Variants in CTNNA3 observed in about 807,000 individuals in gnomAD.
CTNNA3 encodes catenin alpha-3.
Under a neutral mutation model 95.7 loss-of-function variants are expected in CTNNA3, and 76 were observed. The observed-to-expected ratio is 0.79, with a 90% confidence interval of 0.66 to 0.96. CTNNA3 has a LOEUF of 0.96. Ranked by LOEUF, CTNNA3 falls within the 40% of genes least tolerant of loss-of-function variation. The pLI, the probability that CTNNA3 is intolerant of heterozygous loss-of-function variation, is 0.00. For missense variants in CTNNA3, 1,191 were observed against 1,089.8 expected (o/e 1.09, Z -1.31); for synonymous variants, 431 against 374.4 (o/e 1.15, Z -1.74).
intron 9 of CTNNA3, among the ~76,000 whole-genome samples, chr10:66,763,995 T>C (rs1839735593): frequency 6.6e-6 from 1 of 152,146 alleles, no homozygotes; most frequent in Non-Finnish European, 1.5e-5. Flanking sequence ...CATAGATTAG[T>C]GAGAGATAAC....
chr10:67,188,247 G>A (rs1862955849), intron 6 of CTNNA3, among the ~76,000 whole-genome samples: 1 of 152,232 alleles, frequency 6.6e-6, no homozygotes, highest in Admixed American at 6.5e-5. Context: ...TGTAATCCCA[G>A]CACTTTGGGA....
intron 7 of CTNNA3, among the ~76,000 whole-genome samples, chr10:66,984,916 A>G (rs534026544): frequency 6.6e-6 from 1 of 152,150 alleles, no homozygotes; most frequent in Admixed American, 6.5e-5. Flanking sequence ...GTTTAAGTAC[A>G]ATAAGAACAT....
chr10:66,354,214 G>A lies in CTNNA3; in HGVS notation c.1732+24938C>T, dbSNP rs181824198. ...CAGGGAGAATCGCTTGAACCCGGGA[G>A]GTGGAGGTTGCAGTGAGCTGAGATG... On this transcript the variant is annotated intron_variant, in intron 12 of 17. Transcript: ENST00000433211. Among the ~76,000 whole-genome samples the A allele has an allele frequency of 5.6e-3, 845 of 151,958 alleles. 7 individuals carry two copies. The highest frequency in any genetic ancestry group is 0.019 in the African/African-American group (790 of 41,474).
At chr10:66,316,133 T>C (rs1330530379) in intron 12 of CTNNA3, among the ~76,000 whole-genome samples, 1 of 152,152 alleles carries the variant, frequency 6.6e-6, no homozygotes, top group Non-Finnish European at 1.5e-5. Context: ...ATGTGAGCTA[T>C]ACTTACCATT....
intron 7 of CTNNA3, among the ~76,000 whole-genome samples, chr10:66,827,509 T>C (rs773230862): frequency 3.9e-5 from 6 of 152,164 alleles, no homozygotes; most frequent in Non-Finnish European, 8.8e-5. Context: ...TGCTATGCAA[T>C]ATAGTGGAAA....
chr10:67,253,564 C>A (rs1378475818), intron 5 of CTNNA3, among the ~76,000 whole-genome samples: 1 of 152,068 alleles, frequency 6.6e-6, no homozygotes, highest in Non-Finnish European at 1.5e-5. Flanking sequence ...CTCTCTCTTT[C>A]CCTCTCCTAC....
intron 1 of CTNNA3, among the ~76,000 whole-genome samples, chr10:67,676,493 T>G (rs1049397186): frequency 2.0e-5 from 3 of 152,208 alleles, no homozygotes; most frequent in Non-Finnish European, 2.9e-5. Context: ...CTAAAACCAC[T>G]TCCCAATTGC....
chr10:66,429,797 T>C (rs1177612664), intron 11 of CTNNA3, among the ~76,000 whole-genome samples: 1 of 152,012 alleles, frequency 6.6e-6, no homozygotes, highest in Non-Finnish European at 1.5e-5. Context: ...ACCAATATCA[T>C]ACTGAATGGG....
intron 3 of CTNNA3, among the ~76,000 whole-genome samples, chr10:67,594,139 C>T (rs935473641): frequency 6.6e-6 from 1 of 152,104 alleles, no homozygotes; most frequent in Admixed American, 6.5e-5. Context: ...TTTTGATGTG[C>T]TGCTGGATTC....
At chr10:67,640,383 T>G (rs1482402539) in intron 2 of CTNNA3, among the ~76,000 whole-genome samples, 1 of 152,200 alleles carries the variant, frequency 6.6e-6, no homozygotes, top group Non-Finnish European at 1.5e-5. Flanking sequence ...GAACATTCCA[T>G]GCTCATGGAT....
chr10:66,382,701 T>C (rs1319117040), intron 11 of CTNNA3, among the ~76,000 whole-genome samples: 1 of 152,062 alleles, frequency 6.6e-6, no homozygotes, highest in Non-Finnish European at 1.5e-5. Flanking sequence ...AGACACCTCA[T>C]ATAGGCGGCT....
chr10:66,309,136 T>C (rs997779767), intron 12 of CTNNA3, among the ~76,000 whole-genome samples: 8 of 152,198 alleles, frequency 5.3e-5, no homozygotes, highest in African/African-American at 1.9e-4. Flanking sequence ...TTTGTACAAA[T>C]GTGTTTATGC....
At chr10:67,608,982 C>A (rs1843366782) in intron 2 of CTNNA3, among the ~76,000 whole-genome samples, 1 of 150,184 alleles carries the variant, frequency 6.7e-6, no homozygotes, top group Non-Finnish European at 1.5e-5. Context: ...CCCAGCTACT[C>A]AGGAGGCTGA....
intron 5 of CTNNA3, among the ~76,000 whole-genome samples, chr10:67,308,329 T>G (rs934419310): frequency 6.6e-6 from 1 of 152,198 alleles, no homozygotes; most frequent in East Asian, 1.9e-4. Flanking sequence ...TTTTCCTTGC[T>G]GTTCTTGTGA....
intron 5 of CTNNA3, among the ~76,000 whole-genome samples, chr10:67,282,561 ATGTTT>A (rs1839441177): frequency 6.6e-6 from 1 of 152,198 alleles, no homozygotes; most frequent in Non-Finnish European, 1.5e-5. Flanking sequence ...CTCACATTTT[ATGTTT>A]TGCTCTTACA....
intron 13 of CTNNA3, among the ~76,000 whole-genome samples, chr10:66,208,905 C>T (rs530210842): frequency 5.9e-5 from 9 of 151,994 alleles, no homozygotes; most frequent in Admixed American, 6.6e-5. Context: ...TTAGTCTCCT[C>T]CACTTCAATG....
At chr10:66,304,726 C>A (rs1334464575) in intron 12 of CTNNA3, among the ~76,000 whole-genome samples, 1 of 151,968 alleles carries the variant, frequency 6.6e-6, no homozygotes, top group Non-Finnish European at 1.5e-5. Flanking sequence ...TACACACACA[C>A]CTAAGTATTA....
intron 15 of CTNNA3, among the ~76,000 whole-genome samples, chr10:66,019,995 A>G (rs1366517182): frequency 6.6e-6 from 1 of 152,224 alleles, no homozygotes; most frequent in Non-Finnish European, 1.5e-5. Flanking sequence ...GAGTTCTCCA[A>G]TGCTACCTGA....
intron 14 of CTNNA3, among the ~76,000 whole-genome samples, chr10:66,102,765 T>C (rs1198421072): frequency 2.0e-5 from 3 of 152,022 alleles, no homozygotes; most frequent in Non-Finnish European, 2.9e-5. Context: ...GAAGTTATTG[T>C]AGAGAAAGAA....
Sources: gnomAD v4.1 joint callset for allele counts (sites outside exome capture counted in the v4.1 genomes callset) on GRCh38, gnomAD v4.1.1 for gene constraint, MANE v1.5 for transcripts, NCBI Gene and HGNC (gene_info 2026-07-23, HGNC 2026-07-21) for gene names.